Variants in MAGI1 observed in about 807,000 individuals in gnomAD.
MAGI1 encodes membrane associated guanylate kinase, WW and PDZ domain containing 1, also known as membrane-associated guanylate kinase, WW and PDZ domain-containing protein 1.
A neutral mutation model predicts 139.9 loss-of-function variants in MAGI1; 58 were observed. That is an observed-to-expected ratio of 0.41 (90% CI 0.34 to 0.52). The LOEUF is 0.52. Among genes scored for constraint, MAGI1 ranks in the 20% least tolerant of loss-of-function variants. The pLI is 0.12. For synonymous variants in MAGI1, 812 were observed against 737.9 expected (o/e 1.10, Z -1.63); for missense variants, 1,874 against 1,901.6 (o/e 0.99, Z 0.27).
chr3:65,927,357 G>T (rs2062577188), intron 1 of MAGI1, among the ~76,000 whole-genome samples: 1 of 152,070 alleles, frequency 6.6e-6, no homozygotes, highest in Admixed American at 6.6e-5. Context: ...AGACTCACAG[G>T]CACCAAACTA....
intron 1 of MAGI1, among the ~76,000 whole-genome samples, chr3:65,776,264 T>C (rs1405895289): frequency 6.8e-6 from 1 of 146,646 alleles, no homozygotes; most frequent in Non-Finnish European, 1.5e-5. Context: ...TTTTTTTTTA[T>C]GGCTTCTGAA....
intron 1 of MAGI1, among the ~76,000 whole-genome samples, chr3:65,690,150 T>A (rs1402710404): frequency 6.6e-6 from 1 of 151,790 alleles, no homozygotes; most frequent in Admixed American, 6.6e-5. Context: ...GTTGGAAGGA[T>A]AGGAAATAAA....
intron 1 of MAGI1, among the ~76,000 whole-genome samples, chr3:65,775,626 G>A (rs79032699): frequency 0.092 from 13,860 of 151,116 alleles, 816 homozygotes; most frequent in African/African-American, 0.16. Flanking sequence ...TATGAAAGGT[G>A]ATACTATATA....
intron 4 of MAGI1, among the ~76,000 whole-genome samples, chr3:65,478,333 T>A (rs1416956572): frequency 1.3e-5 from 2 of 152,148 alleles, no homozygotes; most frequent in African/African-American, 2.4e-5. Flanking sequence ...CATGCTGATT[T>A]CTCGTTTGCC....
chr3:65,975,532 G>C (rs547537695), intron 1 of MAGI1, among the ~76,000 whole-genome samples: 1 of 152,210 alleles, frequency 6.6e-6, no homozygotes, highest in South Asian at 2.1e-4. Context: ...GAGGTGGGCG[G>C]ATCGTTCGAG....
intron 1 of MAGI1, among the ~76,000 whole-genome samples, chr3:65,651,623 C>T (rs1400255925): frequency 6.6e-6 from 1 of 152,138 alleles, no homozygotes; most frequent in Admixed American, 6.6e-5. Flanking sequence ...ATCAGTGAGT[C>T]AATTGTCAAA....
chr3:65,628,606 G>C (rs2084113116), intron 1 of MAGI1, among the ~76,000 whole-genome samples: 1 of 151,994 alleles, frequency 6.6e-6, no homozygotes, highest in African/African-American at 2.4e-5. Context: ...AAGCATAAAT[G>C]ATAGCATTTG....
At chr3:65,799,523 A>C (rs568273003) in intron 1 of MAGI1, among the ~76,000 whole-genome samples, 1 of 152,350 alleles carries the variant, frequency 6.6e-6, no homozygotes, top group African/African-American at 2.4e-5. Flanking sequence ...AGCAGAGTTG[A>C]AGAAGCTGTT....
At chr3:66,016,521 G>A (rs1404050473) in intron 1 of MAGI1, among the ~76,000 whole-genome samples, 2 of 152,206 alleles carry the variant, frequency 1.3e-5, no homozygotes, top group South Asian at 2.1e-4. Flanking sequence ...AAGAAGCGAC[G>A]AGGACACGTT....
intron 1 of MAGI1, among the ~76,000 whole-genome samples, chr3:65,631,370 CAAAT>C (rs1460320407): frequency 6.6e-6 from 1 of 152,166 alleles, no homozygotes; most frequent in African/African-American, 2.4e-5. Context: ...TGTTTTCTAA[CAAAT>C]AATTCATGAG....
chr3:65,842,179 A>T (rs4688249), intron 1 of MAGI1, among the ~76,000 whole-genome samples: 76,777 of 151,874 alleles, frequency 0.51, 20,112 homozygotes, highest in East Asian at 0.77. Flanking sequence ...GAGCAAGAAG[A>T]AACTGATCTT....
chr3:65,572,558 C>G (rs1053146355), intron 2 of MAGI1, among the ~76,000 whole-genome samples: 1 of 152,066 alleles, frequency 6.6e-6, no homozygotes, highest in Admixed American at 6.6e-5. Context: ...AGGCAAGAGG[C>G]TGCCTGTCAA....
At position 65,357,097 on chromosome 3, in the gene MAGI1, G is replaced by A. The variant is rs1395922833; in HGVS notation, c.3670C>T (p.Pro1224Ser). The A allele has an allele frequency of 6.2e-7, 1 of 1,613,412 alleles. No homozygotes were observed. Among genetic ancestry groups the A allele is most frequent in the Non-Finnish European group, 8.5e-7 (1 of 1,179,634 alleles). ...GCCCTCACTTCCGGAACACCTTGTGGACCGGTGGCGGGGCCGTGGCGGTCG... is the reference window on the plus strand; with the variant it reads ...GCCCTCACTTCCGGAACACCTTGTGAACCGGTGGCGGGGCCGTGGCGGTCG... ...SSDRHGPATG[P>S]QGVPEVRAGP... The change falls in exon 23 of 23, where the codon CCA (proline) becomes TCA (serine). Residue 1224 changes from proline to serine, a missense_variant. Coordinates refer to ENST00000402939, the MANE Select transcript of MAGI1 (RefSeq NM_001033057.2).
At chr3:65,696,892 A>C (rs569986902) in intron 1 of MAGI1, among the ~76,000 whole-genome samples, 1 of 138,520 alleles carries the variant, frequency 7.2e-6, no homozygotes, top group South Asian at 2.2e-4. Context: ...TGAAGGAAAT[A>C]GAGACACAAA....
intron 1 of MAGI1, among the ~76,000 whole-genome samples, chr3:65,743,964 T>TA (rs5849689): frequency 0.33 from 47,916 of 146,932 alleles, 8,122 homozygotes; most frequent in East Asian, 0.48. Flanking sequence ...AACTTTAAAA[T>TA]AAAAAAAAAA....
intron 1 of MAGI1, among the ~76,000 whole-genome samples, chr3:65,802,674 G>A (rs2040587357): frequency 6.6e-6 from 1 of 152,096 alleles, no homozygotes; most frequent in African/African-American, 2.4e-5. Context: ...CATCTATCAA[G>A]TACACAATAC....
chr3:65,372,406 G>T (rs957315843), intron 18 of MAGI1, among the ~76,000 whole-genome samples: 11 of 152,180 alleles, frequency 7.2e-5, no homozygotes, highest in African/African-American at 2.4e-4. Context: ...CATATGTGCT[G>T]TCATCCAGGC....
chr3:65,356,328 T>G lies in MAGI1; in HGVS notation c.*50A>C. On this transcript the variant is annotated 3_prime_UTR_variant, in exon 23 of 23. Transcript: ENST00000402939. ...ACTAAATAATTTCAGGTTTGTGACT[T>G]TCCTCTTAGAACCTTTGACACGGTA... 1 of 1,492,488 alleles carries G rather than the reference T, an allele frequency of 6.7e-7. No homozygotes were observed. Among genetic ancestry groups the G allele is most frequent in the Non-Finnish European group, 8.9e-7 (1 of 1,127,308 alleles). The allele number at this position is 1,492,488 out of a possible 1,614,324, so 92.5% of individuals were successfully genotyped here.
chr3:65,528,165 G>C (rs892728972), intron 2 of MAGI1, among the ~76,000 whole-genome samples: 6 of 152,206 alleles, frequency 3.9e-5, no homozygotes, highest in East Asian at 3.9e-4. Context: ...CTTGAAAAAG[G>C]TGTTCTGAAA....
Sources: allele counts gnomAD v4.1 joint callset (sites outside exome capture counted in the v4.1 genomes callset), GRCh38; gene constraint gnomAD v4.1.1; transcripts MANE v1.5; gene names NCBI Gene and HGNC (gene_info 2026-07-23, HGNC 2026-07-21).